LRP1B: variants seen among roughly 807,000 people sequenced by gnomAD.
The protein encoded by LRP1B is low-density lipoprotein receptor-related protein 1B.
Under a neutral mutation model 556.6 loss-of-function variants are expected in LRP1B, and 217 were observed. That is an observed-to-expected ratio of 0.39 (90% CI 0.35 to 0.44). The LOEUF (loss-of-function observed/expected upper bound fraction) is 0.44, where lower values mean the gene tolerates loss of function less well. LRP1B is among the 20% of genes least tolerant of loss of function. The pLI is 1.00. For missense variants in LRP1B, 5,053 were observed against 5,620.8 expected (o/e 0.90, Z 3.23); for synonymous variants, 2,047 against 1,865.8 (o/e 1.10, Z -2.50).
chr2:141,108,523 T>A (rs1700669487), intron 7 of LRP1B, among the ~76,000 whole-genome samples: 1 of 151,852 alleles, frequency 6.6e-6, no homozygotes, highest in African/African-American at 2.4e-5. Context: ...TAATTTTTTG[T>A]ATTTTTAGTA....
chr2:141,865,921 C>G (rs998789880), intron 1 of LRP1B, among the ~76,000 whole-genome samples: 1 of 152,204 alleles, frequency 6.6e-6, no homozygotes, highest in Admixed American at 6.5e-5. Context: ...ATGTTGTGTT[C>G]TTAAACGGAC....
chr2:141,731,053 CAGG>C (rs1363058104), intron 2 of LRP1B, among the ~76,000 whole-genome samples: 2 of 152,100 alleles, frequency 1.3e-5, no homozygotes, highest in Non-Finnish European at 2.9e-5. Flanking sequence ...TGGTTGGGAA[CAGG>C]AGATTATGGC....
rs979754260 is a variant in LRP1B, at chr2:140,673,657, T to C, written c.6799+26593A>G. On this transcript the variant is annotated intron_variant, in intron 41 of 90. Transcript: ENST00000389484. ...AGCCATTTACAGATTTTTAGGTATC[T>C]GTGCAAACAAAAAATAAGATTCTAA... Among the ~76,000 whole-genome samples the C allele has an allele frequency of 8.5e-4, 130 of 152,322 alleles. 2 individuals carry two copies. The highest frequency in any genetic ancestry group is 3.8e-4 in the Non-Finnish European group (26 of 68,036).
chr2:141,007,441 C>T (rs1253985987), intron 14 of LRP1B, among the ~76,000 whole-genome samples: 2 of 151,782 alleles, frequency 1.3e-5, no homozygotes, highest in South Asian at 2.1e-4. Flanking sequence ...GCTAATAATG[C>T]ATGCTACAGT....
chr2:141,288,760 A>T (rs1685824305), intron 3 of LRP1B, among the ~76,000 whole-genome samples: 1 of 152,186 alleles, frequency 6.6e-6, no homozygotes, highest in South Asian at 2.1e-4. Flanking sequence ...TCTTCCCTAG[A>T]AGAATTTACT....
At chr2:141,280,943 T>C (rs1685486981) in intron 3 of LRP1B, among the ~76,000 whole-genome samples, 1 of 151,976 alleles carries the variant, frequency 6.6e-6, no homozygotes, top group African/African-American at 2.4e-5. Context: ...CTCTCTCTCA[T>C]TGATTTATAT....
intron 1 of LRP1B, among the ~76,000 whole-genome samples, chr2:142,012,561 C>A (rs1334101024): frequency 6.6e-6 from 1 of 151,968 alleles, no homozygotes; most frequent in Non-Finnish European, 1.5e-5. Flanking sequence ...CATAAGTTAG[C>A]AGAAAAGAAA....
chr2:141,840,457 G>A (rs114356843), intron 1 of LRP1B, among the ~76,000 whole-genome samples: 167 of 151,826 alleles, frequency 1.1e-3, no homozygotes, highest in African/African-American at 3.8e-3. Flanking sequence ...TAGAGACTCT[G>A]CGTGTTAGCC....
intron 2 of LRP1B, among the ~76,000 whole-genome samples, chr2:141,737,063 T>C (rs1693496909): frequency 6.6e-6 from 1 of 152,026 alleles, no homozygotes; most frequent in Non-Finnish European, 1.5e-5. Flanking sequence ...TTTCTAAATG[T>C]GGAAGTCGGG....
intron 60 of LRP1B, among the ~76,000 whole-genome samples, chr2:140,461,706 T>G (rs1443205733): frequency 6.6e-6 from 1 of 151,814 alleles, no homozygotes; most frequent in Non-Finnish European, 1.5e-5. Flanking sequence ...TGGTGGTGGG[T>G]GCCTGTAATC....
At chr2:141,142,655 C>A (rs935190436) in intron 7 of LRP1B, among the ~76,000 whole-genome samples, 1 of 152,112 alleles carries the variant, frequency 6.6e-6, no homozygotes, top group African/African-American at 2.4e-5. Context: ...ACTATCTCAT[C>A]TTCAAATCTA....
At chr2:141,037,720 C>A (rs1438538794) in intron 11 of LRP1B, among the ~76,000 whole-genome samples, 1 of 151,830 alleles carries the variant, frequency 6.6e-6, no homozygotes, top group Non-Finnish European at 1.5e-5. Flanking sequence ...CAGCTGGATA[C>A]AGGGATTCAA....
At chr2:141,333,307 T>C (rs1001656574) in intron 3 of LRP1B, among the ~76,000 whole-genome samples, 1 of 152,264 alleles carries the variant, frequency 6.6e-6, no homozygotes. Flanking sequence ...ATTTCTAATT[T>C]AATGGTAGAA....
chr2:141,637,787 A>C (rs1689158146), intron 2 of LRP1B, among the ~76,000 whole-genome samples: 1 of 152,220 alleles, frequency 6.6e-6, no homozygotes, highest in African/African-American at 2.4e-5. Flanking sequence ...ACTGAAATGT[A>C]ATCCCCAATA....
At chr2:141,923,736 T>C (rs762059794) in intron 1 of LRP1B, among the ~76,000 whole-genome samples, 2 of 151,686 alleles carry the variant, frequency 1.3e-5, no homozygotes, top group African/African-American at 4.8e-5. Context: ...CAGAATTAAC[T>C]CATGGTTTGC....
At chr2:141,509,298 G>A (rs4954914) in intron 2 of LRP1B, among the ~76,000 whole-genome samples, 116,997 of 152,074 alleles carry the variant, frequency 0.77, 45,407 homozygotes, top group East Asian at 0.91. Flanking sequence ...ATTTAACATT[G>A]GGGTTGGGCA....
intron 3 of LRP1B, among the ~76,000 whole-genome samples, chr2:141,430,784 C>T (rs1573937351): frequency 2.0e-5 from 3 of 152,004 alleles, no homozygotes; most frequent in African/African-American, 7.2e-5. Context: ...AATCTAGGTG[C>T]TGTTGTGAAG....
chr2:141,324,635 T>G (rs1358819378), intron 3 of LRP1B, among the ~76,000 whole-genome samples: 1 of 152,162 alleles, frequency 6.6e-6, no homozygotes. Context: ...TGTTTGATAT[T>G]GTCCAATCTG....
intron 77 of LRP1B, among the ~76,000 whole-genome samples, chr2:140,341,543 T>A (rs1319804721): frequency 6.6e-6 from 1 of 151,460 alleles, no homozygotes; most frequent in Admixed American, 6.6e-5. Context: ...ATATAAGTAG[T>A]GTCTTTTTAA....
Sources: gnomAD v4.1 joint callset for allele counts (sites outside exome capture counted in the v4.1 genomes callset) on GRCh38, gnomAD v4.1.1 for gene constraint, MANE v1.5 for transcripts, NCBI Gene and HGNC (gene_info 2026-07-23, HGNC 2026-07-21) for gene names.